AK2: variants seen among roughly 807,000 people sequenced by gnomAD.
AK2 encodes the protein adenylate kinase 2.
Under a neutral mutation model 24.6 loss-of-function variants are expected in AK2, and 15 were observed. The observed-to-expected ratio is 0.61, with a 90% CI of 0.41 to 0.94. The LOEUF is 0.94. Among genes scored for constraint, AK2 ranks in the 40% least tolerant of loss-of-function variants. The pLI, the probability that AK2 is intolerant of heterozygous loss-of-function variation, is 0.00. For missense variants in AK2, 257 were observed against 304.1 expected (o/e 0.85, Z 1.15); for synonymous variants, 102 against 114.0 (o/e 0.90, Z 0.67).
Position 33,036,720 on chromosome 1 carries a change from C to A in AK2, c.93+16G>T. The A allele has an allele frequency of 6.4e-7, 1 of 1,568,608 alleles. No individual in the cohort carries two copies. The highest frequency in any genetic ancestry group is 2.4e-5 in the East Asian group (1 of 42,538). On this transcript the variant is annotated intron_variant, in intron 1 of 5. Coordinates refer to ENST00000672715, the MANE Select transcript of AK2 (RefSeq NM_001625.4). ...GTTCAGCAGGCTCCGCCGCCAAGCC[C>A]AGTCCTGCCGCTCACCTGGGTCCCT...
chr1:33,032,903 G>C (rs1640330655), intron 1 of AK2, among the ~76,000 whole-genome samples: 1 of 152,130 alleles, frequency 6.6e-6, no homozygotes, highest in South Asian at 2.1e-4. Flanking sequence ...ATGGCTCACG[G>C]CTATAATCCC....
At chr1:33,019,721 A>G in intron 4 of AK2, 1 of 1,038,136 alleles carries the variant, frequency 9.6e-7, no homozygotes, top group South Asian at 3.4e-5. Flanking sequence ...AATCAAAGTA[A>G]TAATGTCTGA....
intron 4 of AK2, among the ~76,000 whole-genome samples, chr1:33,019,012 C>G (rs1460150490): frequency 1.3e-5 from 2 of 152,220 alleles, no homozygotes; most frequent in Admixed American, 6.5e-5. Context: ...TTCCTGCCCC[C>G]CAGACCACTG....
chr1:33,032,055 A>C (rs1160854917), intron 1 of AK2: 1 of 186,004 alleles, frequency 5.4e-6, no homozygotes, highest in African/African-American at 2.4e-5. Flanking sequence ...AAAGCACATA[A>C]AATACTGAGT....
At chr1:33,020,225 AC>A (rs1157460290) in intron 4 of AK2, 2 of 1,035,106 alleles carry the variant, frequency 1.9e-6, no homozygotes, top group African/African-American at 3.2e-5. Flanking sequence ...ACACACACAC[AC>A]ACAAAGTGGC....
At position 33,011,773 on chromosome 1, in the gene AK2, G is replaced by A; in HGVS notation, c.*1408C>T. 1 of 1,429,508 alleles carries A rather than the reference G, an allele frequency of 7.0e-7. No individual in the cohort carries two copies. Among genetic ancestry groups the A allele is most frequent in the Non-Finnish European group, 9.2e-7 (1 of 1,081,098 alleles). 88.6% of individuals were successfully genotyped at this position (1,429,508 alleles called of 1,614,324 possible). ...CAGGGACCTTAGAAAATGCTCAATAGTTGGGAAGCTAAGGTTATGAATAAA... is the reference window on the plus strand; with the variant it reads ...CAGGGACCTTAGAAAATGCTCAATAATTGGGAAGCTAAGGTTATGAATAAA... On this transcript the variant is annotated 3_prime_UTR_variant, in exon 6 of 6. Transcript: ENST00000672715.
intron 1 of AK2, among the ~76,000 whole-genome samples, chr1:33,034,487 C>T (rs1006002708): frequency 7.2e-6 from 1 of 139,038 alleles, no homozygotes; most frequent in East Asian, 2.1e-4. Flanking sequence ...CACACACACA[C>T]ATATATCATA....
At chr1:33,013,904 CA>C (rs1326768905) in intron 5 of AK2, among the ~76,000 whole-genome samples, 2 of 152,156 alleles carry the variant, frequency 1.3e-5, no homozygotes, top group Non-Finnish European at 2.9e-5. Flanking sequence ...AGCAACTTTG[CA>C]AAATGTGACT....
intron 2 of AK2, 81 bp downstream of exon 2, chr1:33,024,361 T>C: frequency 6.4e-7 from 1 of 1,550,710 alleles, no homozygotes; most frequent in East Asian, 2.2e-5. Context: ...AATAGCCACC[T>C]GTGGCTGGTG....
At chr1:33,028,746 G>A (rs1179092918) in intron 1 of AK2, among the ~76,000 whole-genome samples, 2 of 152,160 alleles carry the variant, frequency 1.3e-5, no homozygotes, top group African/African-American at 2.4e-5. Flanking sequence ...GGGTAATTAT[G>A]GGAATGCTAA....
In AK2 at chr1:33,010,339, G is replaced by A. The variant is rs568136715; in HGVS notation, c.*2842C>T. On this transcript the variant is annotated 3_prime_UTR_variant, in exon 6 of 6. Transcript: ENST00000672715. ...AATACACCTTACATCTCTTTCAAAT[G>A]TGGAGATGGTTTTTTGATCTTACAG... The A allele has an allele frequency of 2.8e-5, 13 of 460,196 alleles. No homozygotes were observed. Among genetic ancestry groups the A allele is most frequent in the African/African-American group, 2.0e-4 (10 of 50,406 alleles). The allele number at this position is 460,196 out of a possible 1,614,324, so 28.5% of individuals were successfully genotyped here. A position where few individuals can be genotyped will look rare whatever the true frequency, so the allele number is the denominator to read the frequency against.
At chr1:33,023,110 ATAAAAAAAGACCAGAAGAC>A (rs1639656219) in intron 2 of AK2, among the ~76,000 whole-genome samples, 1 of 152,228 alleles carries the variant, frequency 6.6e-6, no homozygotes, top group African/African-American at 2.4e-5. Flanking sequence ...ACATTCTAAG[ATAAAAAAAGACCAGAAGAC>A]CAAGCACAAA....
intron 2 of AK2, 111 bp downstream of exon 2, chr1:33,024,331 A>T: frequency 1.4e-6 from 2 of 1,447,448 alleles, no homozygotes; most frequent in East Asian, 2.3e-5. Flanking sequence ...ACTGATTTTT[A>T]CATTAATTAA....
intron 1 of AK2, among the ~76,000 whole-genome samples, chr1:33,033,007 C>T (rs1557635511): frequency 6.6e-6 from 1 of 151,796 alleles, no homozygotes; most frequent in Non-Finnish European, 1.5e-5. Flanking sequence ...ACTAAAGATA[C>T]AAAAAATTAG....
Position 33,013,152 on chromosome 1 carries a change from T to C in AK2, c.*29A>G. On this transcript the variant is annotated 3_prime_UTR_variant, in exon 6 of 6. Coordinates refer to ENST00000672715, the MANE Select transcript of AK2 (RefSeq NM_001625.4). ...ATTCCCACCCATTGCCTCACAGGGA[T>C]GGAAAGAAATTCCTTCTTGGACCCA... The C allele has an allele frequency of 6.2e-7, 1 of 1,614,162 alleles. No individual in the cohort carries two copies. The highest frequency in any genetic ancestry group is 8.5e-7 in the Non-Finnish European group (1 of 1,180,024).
intron 1 of AK2, among the ~76,000 whole-genome samples, chr1:33,033,636 CTAATAT>C (rs746102290): frequency 1.5e-4 from 23 of 152,058 alleles, no homozygotes; most frequent in Non-Finnish European, 2.4e-4. Flanking sequence ...GCAATACATA[CTAATAT>C]TATTTACAAA....
At chr1:33,027,625 G>A (rs1391738493) in intron 1 of AK2, among the ~76,000 whole-genome samples, 1 of 152,066 alleles carries the variant, frequency 6.6e-6, no homozygotes, top group Admixed American at 6.5e-5. Context: ...GTGGGTGCTT[G>A]TAATCCCAGC....
chr1:33,016,207 A>G (rs2124297655), intron 4 of AK2, among the ~76,000 whole-genome samples: 1 of 152,022 alleles, frequency 6.6e-6, no homozygotes, highest in East Asian at 1.9e-4. Flanking sequence ...CCTCCTGTGT[A>G]CTTTTATTTT....
chr1:33,020,729 G>A (rs1004268687), intron 4 of AK2, among the ~76,000 whole-genome samples: 3 of 151,932 alleles, frequency 2.0e-5, no homozygotes, highest in Admixed American at 1.3e-4. Context: ...CCTGTAGTCC[G>A]AGTTACTCGG....
Sources: allele counts gnomAD v4.1 joint callset (sites outside exome capture counted in the v4.1 genomes callset), GRCh38; gene constraint gnomAD v4.1.1; transcripts MANE v1.5; gene names NCBI Gene and HGNC (gene_info 2026-07-23, HGNC 2026-07-21).